CNTNAP2: variants seen among roughly 807,000 people sequenced by gnomAD.
CNTNAP2 encodes contactin associated protein 2.
A neutral mutation model predicts 155.2 loss-of-function variants in CNTNAP2; 98 were observed. That is an observed-to-expected ratio of 0.63 (90% CI 0.54 to 0.75). The LOEUF (loss-of-function observed/expected upper bound fraction) is 0.75, where lower values mean the gene tolerates loss of function less well. Among genes scored for constraint, CNTNAP2 ranks in the 30% least tolerant of loss-of-function variants. The pLI, the probability that CNTNAP2 is intolerant of heterozygous loss-of-function variation, is 0.00. For synonymous variants in CNTNAP2, 651 were observed against 631.2 expected (o/e 1.03, Z -0.47); for missense variants, 1,727 against 1,688.1 (o/e 1.02, Z -0.40).
intron 1 of CNTNAP2, among the ~76,000 whole-genome samples, chr7:146,252,532 A>C (rs1799771543): frequency 6.6e-6 from 1 of 152,200 alleles, no homozygotes; most frequent in Non-Finnish European, 1.5e-5. Flanking sequence ...GACAAAGTAG[A>C]ACAAAATGAG....
At position 148,123,982 on chromosome 7, in the gene CNTNAP2, T is replaced by C. The variant is rs62471724; in HGVS notation, c.2554+5694T>C. Among the ~76,000 whole-genome samples, 580 of 152,210 alleles carry C rather than the reference T, an allele frequency of 3.8e-3. 2 individuals carry two copies. The highest frequency in any genetic ancestry group is 5.2e-3 in the Non-Finnish European group (354 of 67,994). On this transcript the variant is annotated intron_variant, in intron 16 of 23. Transcript: ENST00000361727. ...ATCACTAGGGTGAGTGGAAGTGGAT[T>C]TGGAGATCAAGAGAGGGTGGTTTTG...
At chr7:147,383,208 C>G (rs1372042555) in intron 9 of CNTNAP2, among the ~76,000 whole-genome samples, 2 of 152,052 alleles carry the variant, frequency 1.3e-5, no homozygotes, top group Non-Finnish European at 2.9e-5. Context: ...GGCTCTGTAT[C>G]CGCCTTACTC....
At chr7:148,136,033 G>A (rs1410926828) in intron 16 of CNTNAP2, among the ~76,000 whole-genome samples, 68 of 67,412 alleles carry the variant, frequency 1.0e-3, no homozygotes, top group African/African-American at 3.8e-3. Context: ...GGGAGGGAGG[G>A]AGGGAGGGAG....
intron 10 of CNTNAP2, among the ~76,000 whole-genome samples, chr7:147,412,281 C>T (rs1797116215): frequency 6.6e-6 from 1 of 152,210 alleles, no homozygotes; most frequent in Admixed American, 6.5e-5. Flanking sequence ...CCACGCTGGC[C>T]TGTGCTCAGT....
chr7:148,382,798 C>A (rs1266561911), intron 21 of CNTNAP2, among the ~76,000 whole-genome samples: 2 of 152,212 alleles, frequency 1.3e-5, no homozygotes, highest in Non-Finnish European at 2.9e-5. Flanking sequence ...TGAGGTCAGT[C>A]CGCCTGGCCC....
intron 9 of CNTNAP2, among the ~76,000 whole-genome samples, chr7:147,389,325 C>T (rs1796671641): frequency 6.6e-6 from 1 of 152,170 alleles, no homozygotes; most frequent in African/African-American, 2.4e-5. Context: ...ACCTCCCAAC[C>T]TTCCCAACTT....
intron 3 of CNTNAP2, among the ~76,000 whole-genome samples, chr7:147,013,272 G>A (rs1363473494): frequency 2.6e-5 from 4 of 152,082 alleles, no homozygotes; most frequent in Admixed American, 1.3e-4. Flanking sequence ...ATGATGGTTT[G>A]CAGTTGTGGT....
chr7:146,793,804 T>A lies in CNTNAP2; in HGVS notation c.208+19423T>A, dbSNP rs141625931. Among the ~76,000 whole-genome samples, 15 of 152,272 alleles carry A rather than the reference T, an allele frequency of 9.9e-5. No homozygotes were observed. The East Asian group carries it at 2.9e-3, about 30-fold the overall frequency. ...ACAGCATAAGTGGTGTCAAGAAGTA[T>A]ATGTTAGAGTTAATGAAGAGTAGGC... On this transcript the variant is annotated intron_variant, in intron 2 of 23. Transcript: ENST00000361727.
chr7:146,247,087 G>A (rs1183104856), intron 1 of CNTNAP2, among the ~76,000 whole-genome samples: 16 of 152,184 alleles, frequency 1.1e-4, no homozygotes, highest in Admixed American at 1.0e-3. Context: ...GTAATAAAAT[G>A]TATTTTGAGA....
chr7:148,188,341 AC>A (rs2116713536), intron 18 of CNTNAP2, among the ~76,000 whole-genome samples: 1 of 152,298 alleles, frequency 6.6e-6, no homozygotes, highest in Admixed American at 6.5e-5. Context: ...CCAAGTCCTT[AC>A]CCAGAAGAGC....
At chr7:148,405,603 A>AT (rs535094195) in intron 22 of CNTNAP2, among the ~76,000 whole-genome samples, 1,737 of 36,818 alleles carry the variant, frequency 0.047, 369 homozygotes, top group Non-Finnish European at 0.056. Context: ...TGCACAGCTA[A>AT]TTTTTTTTTT....
intron 1 of CNTNAP2, among the ~76,000 whole-genome samples, chr7:146,135,315 T>A (rs2116744976): frequency 1.3e-5 from 2 of 152,098 alleles, no homozygotes; most frequent in South Asian, 2.1e-4. Context: ...ACGAAAAAAA[T>A]TCAGAAAGAT....
chr7:147,156,477 C>A (rs1801928647), intron 8 of CNTNAP2, among the ~76,000 whole-genome samples: 1 of 152,142 alleles, frequency 6.6e-6, no homozygotes, highest in Admixed American at 6.6e-5. Context: ...AAATATATTA[C>A]AATGGTCTTT....
chr7:147,458,793 T>A (rs1797966036), intron 10 of CNTNAP2, among the ~76,000 whole-genome samples: 1 of 152,224 alleles, frequency 6.6e-6, no homozygotes, highest in South Asian at 2.1e-4. Context: ...GAAATGAAGG[T>A]CATTTTACGA....
intron 9 of CNTNAP2, among the ~76,000 whole-genome samples, chr7:147,365,400 A>AG (rs1584902118): frequency 6.6e-6 from 1 of 150,506 alleles, no homozygotes; most frequent in East Asian, 1.9e-4. Context: ...AAAAAAAAAA[A>AG]AAAAAAAACA....
intron 4 of CNTNAP2, among the ~76,000 whole-genome samples, chr7:147,068,714 G>T (rs775940861): frequency 5.3e-5 from 8 of 152,196 alleles, no homozygotes; most frequent in Non-Finnish European, 7.3e-5. Context: ...TAGTCTAGCT[G>T]GTCCTGGGCT....
chr7:146,891,775 T>C (rs1425941399), intron 3 of CNTNAP2, among the ~76,000 whole-genome samples: 13 of 152,196 alleles, frequency 8.5e-5, no homozygotes, highest in Admixed American at 8.5e-4. Context: ...CCAGCTGGCA[T>C]AGCAGGCCTC....
At chr7:146,731,105 T>C (rs745753355) in intron 1 of CNTNAP2, among the ~76,000 whole-genome samples, 11 of 152,178 alleles carry the variant, frequency 7.2e-5, no homozygotes, top group Non-Finnish European at 1.0e-4. Context: ...AGTTAAATGA[T>C]GTACCAAAAG....
intron 13 of CNTNAP2, among the ~76,000 whole-genome samples, chr7:147,726,550 C>G (rs12536417): frequency 0.011 from 1,665 of 152,118 alleles, 94 homozygotes; most frequent in Admixed American, 0.087. Context: ...AGATCAAGAG[C>G]TGACCAATAA....
Sources: allele counts gnomAD v4.1 joint callset (sites outside exome capture counted in the v4.1 genomes callset), GRCh38; gene constraint gnomAD v4.1.1; transcripts MANE v1.5; gene names NCBI Gene and HGNC (gene_info 2026-07-23, HGNC 2026-07-21).